The following BNC1 variants were observed in gnomAD, a reference collection of about 807,000 sequenced individuals.
BNC1 encodes the protein basonuclin zinc finger protein 1.
A neutral mutation model predicts 66.5 loss-of-function variants in BNC1; 8 were observed. That is an observed-to-expected ratio of 0.12 (90% CI 0.07 to 0.22). The LOEUF (loss-of-function observed/expected upper bound fraction) is 0.22, where lower values mean the gene tolerates loss of function less well. Among genes scored for constraint, BNC1 ranks in the 10% least tolerant of loss-of-function variants. BNC1 has a pLI of 1.00. For missense variants in BNC1, 1,069 were observed against 1,241.3 expected, an observed-to-expected ratio of 0.86 and a Z score of 2.09; for synonymous variants, 454 against 452.6, an observed-to-expected ratio of 1.00 and a Z score of -0.04.
chr15:83,279,527 T>C (rs1445448561), intron 1 of BNC1, among the ~76,000 whole-genome samples: 1 of 152,158 alleles, frequency 6.6e-6, no homozygotes, highest in Non-Finnish European at 1.5e-5. Flanking sequence ...CAAGCCTAGG[T>C]ACAATGTAAA....
At chr15:83,283,402 T>G in intron 1 of BNC1, 57 of 1,134,326 alleles carry the variant, frequency 5.0e-5, no homozygotes, top group Admixed American at 1.5e-4. Flanking sequence ...CTCCTCCTTC[T>G]CCGCCCGCGG....
chr15:83,258,096 T>G lies in BNC1; in HGVS notation c.2331A>C (p.Lys777Asn). ...TCTCCAATGCTTCCTGGCTCAATGCTTTTTGGTGGAGGTTTAGGTTTGAGC... is the reference window on the plus strand; with the variant it reads ...TCTCCAATGCTTCCTGGCTCAATGCGTTTTGGTGGAGGTTTAGGTTTGAGC... ...RHSSNLNLHQ[K>N]ALSQEALESS... is the part of the protein sequence containing the mutation. Residue 777 changes from lysine (K) to asparagine (N), a missense_variant, in exon 5 of 5, where the codon AAA becomes AAC. This residue lies in a region of BNC1 where 657 missense variants were observed against 715.8 expected (regional missense o/e 0.92). Coordinates refer to ENST00000345382, the MANE Select transcript of BNC1 (RefSeq NM_001717.4). The G allele has an allele frequency of 6.2e-7, 1 of 1,603,208 alleles. No individual in the cohort carries two copies. The highest frequency in any genetic ancestry group is 1.1e-5 in the South Asian group (1 of 90,846).
At chr15:83,282,602 T>C (rs542014360) in intron 1 of BNC1, among the ~76,000 whole-genome samples, 1 of 152,322 alleles carries the variant, frequency 6.6e-6, no homozygotes, top group Non-Finnish European at 1.5e-5. Flanking sequence ...AGTCAGTGTA[T>C]CCATCACTGA....
intron 1 of BNC1, among the ~76,000 whole-genome samples, chr15:83,269,818 C>A (rs999027126): frequency 8.5e-5 from 13 of 152,130 alleles, no homozygotes; most frequent in South Asian, 2.1e-4. Context: ...GTAGAAAAAA[C>A]CCCAACATCC....
At chr15:83,272,336 T>G (rs577859040) in intron 1 of BNC1, among the ~76,000 whole-genome samples, 5 of 151,824 alleles carry the variant, frequency 3.3e-5, no homozygotes, top group Non-Finnish European at 7.4e-5. Flanking sequence ...GTTCAAGTGA[T>G]TCTTGTGCCT....
intron 1 of BNC1, among the ~76,000 whole-genome samples, chr15:83,281,314 C>T (rs1262181552): frequency 6.6e-6 from 1 of 152,176 alleles, no homozygotes; most frequent in Non-Finnish European, 1.5e-5. Context: ...ATCCAGTTAT[C>T]TTTAACATCT....
chr15:83,277,679 G>C (rs1439413498), intron 1 of BNC1, among the ~76,000 whole-genome samples: 1 of 152,082 alleles, frequency 6.6e-6, no homozygotes, highest in African/African-American at 2.4e-5. Context: ...ATCAAAAACT[G>C]CCAATCAGGA....
chr15:83,275,518 A>C (rs1227960657), intron 1 of BNC1, among the ~76,000 whole-genome samples: 1 of 151,732 alleles, frequency 6.6e-6, no homozygotes, highest in Non-Finnish European at 1.5e-5. Context: ...AACTAAGAAG[A>C]AAGCTATGCT....
At position 83,257,888 on chromosome 15, in the gene BNC1, A is replaced by G. The variant is rs755292494; in HGVS notation, c.2539T>C (p.Ser847Pro). Residue 847 changes from serine (S) to proline (P), a missense_variant, in exon 5 of 5, where the codon TCT becomes CCT. Physicochemically the swap from Ser to Pro is moderately conservative, Grantham distance 74 (BLOSUM62 -1). Transcript: ENST00000345382. The part of the protein sequence containing the change: ...VHSASLESYN[S>P]GPLSEGTILD... ...ATGGTGCCCTCGCTCAAGGGGCCAG[A>G]GTTGTAGCTCTCCAGGCTGGCACTG... 24 of 1,613,888 alleles carry G rather than the reference A, an allele frequency of 1.5e-5. No individual in the cohort carries two copies. The highest frequency in any genetic ancestry group is 2.2e-5 in the South Asian group (2 of 91,084).
intron 2 of BNC1, among the ~76,000 whole-genome samples, chr15:83,267,380 T>C (rs2038228148): frequency 6.6e-6 from 1 of 152,044 alleles, no homozygotes; most frequent in African/African-American, 2.4e-5. Flanking sequence ...ATCAAGAGAA[T>C]AGCTAATCAG....
intron 1 of BNC1, among the ~76,000 whole-genome samples, 159 bp downstream of exon 1, chr15:83,284,371 C>T (rs1188741587): frequency 3.3e-5 from 5 of 151,894 alleles, no homozygotes; most frequent in African/African-American, 1.2e-4. Flanking sequence ...GACCACGGTC[C>T]CTCCCGCCGC....
At position 83,257,592 on chromosome 15, in the gene BNC1, G is replaced by A; in HGVS notation, c.2835C>T (p.Ala945=). Residue 945 remains alanine, a synonymous_variant, in exon 5 of 5, where the codon GCC becomes GCT. Transcript: ENST00000345382. The part of the protein sequence containing the change: ...KTYSNKGTFR[A]HYKTVHLRQL... ...GCCGGAGGTGCACAGTTTTGTAGTGGGCCCTAAAGGTCCCTTTGTTACTGT... is the reference window on the plus strand; with the variant it reads ...GCCGGAGGTGCACAGTTTTGTAGTGAGCCCTAAAGGTCCCTTTGTTACTGT... The A allele has an allele frequency of 6.2e-7, 1 of 1,614,046 alleles. No homozygotes were observed. Among genetic ancestry groups the A allele is most frequent in the East Asian group, 2.2e-5 (1 of 44,880 alleles).
At chr15:83,281,062 G>A (rs1426569298) in intron 1 of BNC1, among the ~76,000 whole-genome samples, 1 of 152,172 alleles carries the variant, frequency 6.6e-6, no homozygotes, top group East Asian at 1.9e-4. Flanking sequence ...AACTATGTGA[G>A]GTTTGAGAAG....
At chr15:83,267,502 C>T (rs1391851806) in intron 2 of BNC1, among the ~76,000 whole-genome samples, 1 of 152,102 alleles carries the variant, frequency 6.6e-6, no homozygotes, top group Non-Finnish European at 1.5e-5. Flanking sequence ...AACAAATTAA[C>T]CCCCCTAAGG....
rs546783004 is a variant in BNC1 at position 83,274,891 on chromosome 15, G to A, written c.100-6659C>T. Among the ~76,000 whole-genome samples the A allele has an allele frequency of 7.9e-4, 120 of 152,274 alleles. 1 individual carries two copies. The highest frequency in any genetic ancestry group is 2.2e-3 in the Admixed American group (34 of 15,296). On this transcript the variant is annotated intron_variant, in intron 1 of 4. Transcript: ENST00000345382. ...AATTTGGATACTAGGGGAGGATTACGCCTTGAAATATCAGTATTTGGTGCT... is the reference window on the plus strand; with the variant it reads ...AATTTGGATACTAGGGGAGGATTACACCTTGAAATATCAGTATTTGGTGCT...
intron 1 of BNC1, among the ~76,000 whole-genome samples, chr15:83,280,552 T>C (rs1347713277): frequency 6.6e-6 from 1 of 152,200 alleles, no homozygotes; most frequent in African/African-American, 2.4e-5. Context: ...AACTAAGTTT[T>C]TAAAAAGAAA....
chr15:83,284,453 C>A, intron 1 of BNC1, 77 bp downstream of exon 1: 2 of 966,940 alleles, frequency 2.1e-6, no homozygotes, highest in Non-Finnish European at 2.5e-6. Flanking sequence ...CCCACGGGAG[C>A]CGGAGCCCAG....
intron 3 of BNC1, among the ~76,000 whole-genome samples, chr15:83,266,256 GGGGA>G (rs150480242): frequency 0.044 from 6,612 of 150,796 alleles, 419 homozygotes; most frequent in African/African-American, 0.13. Context: ...ACTGGGGTGT[GGGGA>G]GGGAGGGAGG....
Position 83,267,091 on chromosome 15 carries a change from A to G in BNC1, c.200-20T>C. ...TTAGAGCTGAAAAATCAAATTGAGGAAATGTCATTTTGAAAAGTTCTAATT... is the reference window on the plus strand; with the variant it reads ...TTAGAGCTGAAAAATCAAATTGAGGGAATGTCATTTTGAAAAGTTCTAATT... On this transcript the variant is annotated intron_variant, in intron 2 of 4. Coordinates refer to ENST00000345382, the MANE Select transcript of BNC1 (RefSeq NM_001717.4). 2 of 1,584,846 alleles carry G rather than the reference A, an allele frequency of 1.3e-6. No homozygotes were observed. The highest frequency in any genetic ancestry group is 1.7e-6 in the Non-Finnish European group (2 of 1,154,846).
Sources: gnomAD v4.1 joint callset for allele counts (sites outside exome capture counted in the v4.1 genomes callset) on GRCh38, gnomAD v4.1.1 for gene constraint, gnomAD v4.1.1 regional missense constraint, MANE v1.5 for transcripts, NCBI Gene and HGNC (gene_info 2026-07-23, HGNC 2026-07-21) for gene names.